The following RALA variants were observed in gnomAD, a reference collection of about 807,000 sequenced individuals.
RALA encodes RAS like proto-oncogene A, also known as ras-related protein Ral-A.
RALA carries 5 observed loss-of-function variants against 24.0 expected under a neutral mutation model. The ratio of observed to expected loss-of-function variants is 0.21; its 90% CI spans 0.11 to 0.44. The LOEUF is 0.44. Ranked by LOEUF, RALA falls within the 20% of genes least tolerant of loss-of-function variation. The pLI is 0.99. For missense variants in RALA, 95 were observed against 241.2 expected, an observed-to-expected ratio of 0.39 and a Z score of 4.01; for synonymous variants, 77 against 83.8, an observed-to-expected ratio of 0.92 and a Z score of 0.44.
chr7:39,704,584 C>T (rs1793085206), intron 4 of RALA, among the ~76,000 whole-genome samples: 1 of 152,052 alleles, frequency 6.6e-6, no homozygotes, highest in Non-Finnish European at 1.5e-5. Flanking sequence ...TCCCAAAGTA[C>T]TGGGACTACA....
chr7:39,685,448 C>T (rs1212923158), intron 1 of RALA, among the ~76,000 whole-genome samples: 2 of 152,208 alleles, frequency 1.3e-5, no homozygotes, highest in Non-Finnish European at 2.9e-5. Context: ...CAAAGAGTTG[C>T]TGAGGACAAG....
At chr7:39,640,356 G>T (rs1791791662) in intron 1 of RALA, among the ~76,000 whole-genome samples, 1 of 152,296 alleles carries the variant, frequency 6.6e-6, no homozygotes, top group East Asian at 1.9e-4. Flanking sequence ...ATCTTACTGT[G>T]GTTTTCATTT....
chr7:39,688,552 C>CCAAAAGT lies in RALA; in HGVS notation c.114+1772_114+1778dup, dbSNP rs531434603. Reference sequence around the variant, plus strand: ...CAGTCTCCTCTTGACAATAAGGAAGCCAAAAGTAAGAATATTCACATGCCT... The same window carrying CCAAAAGT: ...CAGTCTCCTCTTGACAATAAGGAAGCCAAAAGTCAAAAGTAAGAATATTCACATGCCT... On this transcript the variant is annotated intron_variant, in intron 2 of 4. Coordinates refer to ENST00000005257, the MANE Select transcript of RALA (RefSeq NM_005402.4). 2.1e-3 allele frequency among the ~76,000 whole-genome samples: 319 copies of CCAAAAGT among 151,558 alleles called. 1 individual carries two copies. The highest frequency in any genetic ancestry group is 7.4e-3 in the African/African-American group (305 of 41,330).
chr7:39,704,159 C>CAAA (rs796540060), intron 4 of RALA, among the ~76,000 whole-genome samples: 11 of 116,986 alleles, frequency 9.4e-5, no homozygotes, highest in South Asian at 5.9e-4. Flanking sequence ...GAGACTCTCT[C>CAAA]AAAAAAAAAA....
At chr7:39,679,301 C>T (rs553630842) in intron 1 of RALA, among the ~76,000 whole-genome samples, 1 of 152,130 alleles carries the variant, frequency 6.6e-6, no homozygotes, top group South Asian at 2.1e-4. Context: ...GTTACGTATT[C>T]TTCTTGGTTT....
chr7:39,651,928 A>G (rs894076891), intron 1 of RALA, among the ~76,000 whole-genome samples: 1 of 152,138 alleles, frequency 6.6e-6, no homozygotes, highest in Admixed American at 6.5e-5. Flanking sequence ...CTAATTTTCT[A>G]TGGATAATCA....
chr7:39,652,897 C>G (rs986414131), intron 1 of RALA, among the ~76,000 whole-genome samples: 1 of 151,884 alleles, frequency 6.6e-6, no homozygotes, highest in African/African-American at 2.4e-5. Flanking sequence ...TCTCAAGTAG[C>G]TGGGATTACA....
At position 39,683,637 on chromosome 7, in the gene RALA, T is replaced by C. The variant is rs79247455; in HGVS notation, c.-37-2994T>C. Among the ~76,000 whole-genome samples, 27 of 152,286 alleles carry C rather than the reference T, an allele frequency of 1.8e-4. No individual in the cohort carries two copies. In the East Asian group the frequency reaches 5.2e-3, roughly 29 times the overall value. On this transcript the variant is annotated intron_variant, in intron 1 of 4. Transcript: ENST00000005257. ...AAAATGGGGGTCGAGTAGTTTTTCC[T>C]TGGCAGAAGCTTCTTTTCCTGGATA...
chr7:39,624,311 T>TTG (rs1554294425), intron 1 of RALA: 1 of 20,906 alleles, frequency 4.8e-5, no homozygotes, highest in Non-Finnish European at 1.2e-4. Context: ...TTTGTTTGTG[T>TTG]TTTTTTTTTT....
intron 4 of RALA, among the ~76,000 whole-genome samples, chr7:39,704,086 A>G (rs1051581077): frequency 2.0e-5 from 3 of 150,322 alleles, no homozygotes; most frequent in South Asian, 2.1e-4. Flanking sequence ...GAATCTCTTG[A>G]ACCCGGGAGG....
intron 1 of RALA, among the ~76,000 whole-genome samples, chr7:39,636,328 C>A (rs1287229423): frequency 6.6e-6 from 1 of 152,154 alleles, no homozygotes; most frequent in African/African-American, 2.4e-5. Flanking sequence ...CCACTGGAAG[C>A]GTATGAGAGT....
At chr7:39,698,650 G>A (rs924487426) in intron 4 of RALA, among the ~76,000 whole-genome samples, 1 of 152,160 alleles carries the variant, frequency 6.6e-6, no homozygotes, top group African/African-American at 2.4e-5. Context: ...CGAGTAGGTT[G>A]TAGAACACAC....
intron 1 of RALA, among the ~76,000 whole-genome samples, chr7:39,665,643 A>G (rs1227453055): frequency 1.7e-4 from 23 of 132,554 alleles, no homozygotes; most frequent in Admixed American, 1.6e-3. Context: ...TGAGACTGCA[A>G]TGTAGTTTTT....
chr7:39,655,951 T>A (rs574836847), intron 1 of RALA, among the ~76,000 whole-genome samples: 1 of 152,188 alleles, frequency 6.6e-6, no homozygotes, highest in South Asian at 2.1e-4. Flanking sequence ...CAATGTGGAG[T>A]CTCTGAAGAA....
Position 39,651,753 on chromosome 7 carries a change from AAAT to A in RALA, c.-38+27931_-38+27933del, listed in dbSNP as rs1792021645. Among the ~76,000 whole-genome samples, 3 of 152,180 alleles carry A rather than the reference AAAT, an allele frequency of 2.0e-5. No individual in the cohort carries two copies. In the South Asian group the frequency reaches 6.2e-4, roughly 32 times the overall value. ...GTTTGTAGTAATACATATCTGTTCA[AAAT>A]AAAGTTAATATATAAATGCTGTTTG... On this transcript the variant is annotated intron_variant, in intron 1 of 4. Coordinates refer to ENST00000005257, the MANE Select transcript of RALA (RefSeq NM_005402.4).
At chr7:39,696,366 T>G (rs751648239) in intron 3 of RALA, among the ~76,000 whole-genome samples, 3 of 152,140 alleles carry the variant, frequency 2.0e-5, no homozygotes, top group Non-Finnish European at 4.4e-5. Flanking sequence ...CTCAAAACTA[T>G]TAAGGTCATC....
chr7:39,662,450 A>C (rs925978076), intron 1 of RALA, among the ~76,000 whole-genome samples: 4 of 152,162 alleles, frequency 2.6e-5, no homozygotes, highest in African/African-American at 4.8e-5. Context: ...TAACAGCACC[A>C]AAGTCACCTT....
At chr7:39,698,437 A>G (rs1294805084) in intron 4 of RALA, among the ~76,000 whole-genome samples, 1 of 152,204 alleles carries the variant, frequency 6.6e-6, no homozygotes, top group Non-Finnish European at 1.5e-5. Flanking sequence ...GTAAAGATGA[A>G]ATGAAATCAC....
intron 1 of RALA, among the ~76,000 whole-genome samples, chr7:39,663,112 C>G (rs1792222769): frequency 6.6e-6 from 1 of 152,060 alleles, no homozygotes; most frequent in African/African-American, 2.4e-5. Context: ...TGAGTCCCTC[C>G]CACAACATGT....
Sources: gnomAD v4.1 joint callset for allele counts (sites outside exome capture counted in the v4.1 genomes callset) on GRCh38, gnomAD v4.1.1 for gene constraint, MANE v1.5 for transcripts, NCBI Gene and HGNC (gene_info 2026-07-23, HGNC 2026-07-21) for gene names.